VSTM1: variants seen among roughly 807,000 people sequenced by gnomAD.
VSTM1 encodes the protein V-set and transmembrane domain containing 1.
A neutral mutation model predicts 33.1 loss-of-function variants in VSTM1; 27 were observed. The ratio of observed to expected loss-of-function variants is 0.82; its 90% CI spans 0.60 to 1.12. VSTM1 has a LOEUF of 1.12. Among genes scored for constraint, VSTM1 ranks in the 50% most tolerant of loss-of-function variants. VSTM1 has a pLI of 0.00. For synonymous variants in VSTM1, 115 were observed against 110.3 expected (o/e 1.04, Z -0.27); for missense variants, 304 against 288.9 (o/e 1.05, Z -0.38).
At chr19:54,042,835 T>TATATATATAC (rs2070383659) in intron 4 of VSTM1, among the ~76,000 whole-genome samples, 1 of 75,726 alleles carries the variant, frequency 1.3e-5, no homozygotes, top group Admixed American at 1.6e-4. Flanking sequence ...TATATATATA[T>TATATATATAC]ATACATATAT....
chr19:54,059,209 C>T (rs929722962), intron 1 of VSTM1, among the ~76,000 whole-genome samples: 12 of 151,374 alleles, frequency 7.9e-5, no homozygotes, highest in Non-Finnish European at 1.3e-4. Context: ...TACAGGCACC[C>T]GCCACCACAC....
chr19:54,048,146 C>T (rs926400572), intron 4 of VSTM1, among the ~76,000 whole-genome samples: 1 of 152,100 alleles, frequency 6.6e-6, no homozygotes, highest in African/African-American at 2.4e-5. Context: ...AACAGGGTCT[C>T]GCTCTGTCAC....
At chr19:54,048,373 C>T in intron 4 of VSTM1, 1 of 400,632 alleles carries the variant, frequency 2.5e-6, no homozygotes, top group Non-Finnish European at 5.1e-6. Flanking sequence ...GCCTCATCTT[C>T]CCAAAGTCCT....
intron 3 of VSTM1, among the ~76,000 whole-genome samples, chr19:54,057,856 GC>G (rs2071178736): frequency 6.6e-6 from 1 of 150,720 alleles, no homozygotes; most frequent in Non-Finnish European, 1.5e-5. Context: ...TATAATCCCA[GC>G]CCTTTGGGAG....
intron 4 of VSTM1, 61 bp from the exon 5 acceptor site, chr19:54,042,430 G>A (rs898969580): frequency 4.5e-6 from 7 of 1,562,528 alleles, no homozygotes; most frequent in Admixed American, 1.9e-5. Context: ...TGATAGGGGC[G>A]AGCCGAAAAG....
Position 54,054,818 on chromosome 19 carries a change from TTGG to T in VSTM1, c.356-3373_356-3371del, listed in dbSNP as rs376653258. 1.5e-4 allele frequency among the ~76,000 whole-genome samples: 19 copies of T among 130,638 alleles called. 2 individuals carry two copies. In the East Asian group the frequency reaches 4.1e-3, roughly 28 times the overall value. 85.7% of individuals were successfully genotyped at this position (130,638 alleles called of 152,430 possible). On this transcript the variant is annotated intron_variant, in intron 3 of 8. Coordinates refer to ENST00000338372, the MANE Select transcript of VSTM1 (RefSeq NM_198481.4). ...GTGGGTGGACAGATGAATGGAAGGG[TTGG>T]TGGTTGGATGGATTAATGGATAGAT...
chr19:54,048,407 C>G (rs59075055), intron 4 of VSTM1: 1 of 346,792 alleles, frequency 2.9e-6, no homozygotes, highest in Non-Finnish European at 6.0e-6. Flanking sequence ...TGAGCCACTG[C>G]GCCCGGCAAA....
At chr19:54,058,100 C>T (rs533667066) in intron 3 of VSTM1, among the ~76,000 whole-genome samples, 194 of 148,956 alleles carry the variant, frequency 1.3e-3, no homozygotes, top group African/African-American at 4.3e-3. Flanking sequence ...ATTAGCTGGG[C>T]GTGGTGGCGG....
chr19:54,058,583 C>T lies in VSTM1; in HGVS notation c.78G>A (p.Pro26=), dbSNP rs143258264. Residue 26 remains proline, a synonymous_variant, in exon 3 of 9, where the codon CCG becomes CCA. Transcript: ENST00000338372. ...GYEDEKKNEK[P]PKPSLHAWPS... is the part of the protein sequence containing the mutation. ...GCCAGGCGTGGAGGGAGGGCTTGGG[C>T]GGTTTCTCTGGAAACAATTCAGAGT... 2.3e-4 allele frequency: 368 copies of T among 1,613,296 alleles called. 1 individual carries two copies. Among genetic ancestry groups the T allele is most frequent in the Middle Eastern group, 3.3e-4 (2 of 6,060 alleles).
At chr19:54,059,303 C>T (rs2071271666) in intron 1 of VSTM1, among the ~76,000 whole-genome samples, 1 of 151,992 alleles carries the variant, frequency 6.6e-6, no homozygotes, top group Non-Finnish European at 1.5e-5. Context: ...TCAGGTGATC[C>T]ACACGCCTCG....
In VSTM1 at chr19:54,042,919, C is replaced by A. The variant is rs182494083; in HGVS notation, c.395-550G>T. ...CACCCAGGCTGGAGTGTGATCCTGG[C>A]TCACTGCAACCTCCACCTCCCTGGT... On this transcript the variant is annotated intron_variant, in intron 4 of 8. Transcript: ENST00000338372. 5.0e-4 allele frequency among the ~76,000 whole-genome samples: 73 copies of A among 145,334 alleles called. 1 individual carries two copies. The highest frequency in any genetic ancestry group is 9.0e-4 in the Non-Finnish European group (60 of 66,710).
At chr19:54,048,844 G>A (rs2070717006) in intron 4 of VSTM1, among the ~76,000 whole-genome samples, 1 of 152,132 alleles carries the variant, frequency 6.6e-6, no homozygotes, top group African/African-American at 2.4e-5. Flanking sequence ...AGCACTTTGG[G>A]AAGCTGAGGC....
At chr19:54,060,725 C>T (rs1182505597) in intron 1 of VSTM1, among the ~76,000 whole-genome samples, 4 of 152,134 alleles carry the variant, frequency 2.6e-5, no homozygotes, top group African/African-American at 4.8e-5. Flanking sequence ...GGGTCTCACT[C>T]TGTGGCCCAG....
chr19:54,058,751 T>C lies in VSTM1; in HGVS notation c.35-19A>G, dbSNP rs2071237411. ...CACAGCCCTGGAAGAGAAATCTCAA[T>C]GAGAGAAAAATTATGTGCTTGTCCT... On this transcript the variant is annotated intron_variant, in intron 1 of 8. Coordinates refer to ENST00000338372, the MANE Select transcript of VSTM1 (RefSeq NM_198481.4). 2 of 1,612,812 alleles carry C rather than the reference T, an allele frequency of 1.2e-6. No individual in the cohort carries two copies. The highest frequency in any genetic ancestry group is 2.2e-5 in the South Asian group (2 of 90,998).
intron 1 of VSTM1, among the ~76,000 whole-genome samples, chr19:54,062,446 G>A (rs1311623676): frequency 1.3e-5 from 2 of 152,126 alleles, no homozygotes; most frequent in African/African-American, 4.8e-5. Flanking sequence ...CAAATAGCCG[G>A]GTGCAGTGGC....
intron 4 of VSTM1, among the ~76,000 whole-genome samples, chr19:54,045,636 CTGTA>C (rs774737545): frequency 1.3e-5 from 2 of 151,946 alleles, no homozygotes; most frequent in South Asian, 2.1e-4. Context: ...CATCTATCAT[CTGTA>C]TGTATCTGTC....
rs111917089 is a variant in VSTM1 at position 54,053,731 on chromosome 19, G to T, written c.356-2283C>A. ...CCTGGACTCCTGACCCACATCAACT[G>T]TGAGATAATAAATAGGTGTTTCAGG... On this transcript the variant is annotated intron_variant, in intron 3 of 8. Transcript: ENST00000338372. Among the ~76,000 whole-genome samples, 915 of 142,412 alleles carry T rather than the reference G, an allele frequency of 6.4e-3. 151 individuals carry two copies. The highest frequency in any genetic ancestry group is 0.022 in the African/African-American group (863 of 38,610). The allele number at this position is 142,412 out of a possible 152,430, so 93.4% of individuals were successfully genotyped here. A position where few individuals can be genotyped will look rare whatever the true frequency, so the allele number is the denominator to read the frequency against.
At position 54,040,932 on chromosome 19, in the gene VSTM1, C is replaced by A; in HGVS notation, c.*29G>T. On this transcript the variant is annotated 3_prime_UTR_variant, in exon 9 of 9. Coordinates refer to ENST00000338372, the MANE Select transcript of VSTM1 (RefSeq NM_198481.4). ...ATAACCTTGGCCAGCACGATCCCCC[C>A]TCCTTTAGTGGCCAGGGCTGTCTTC... The A allele has an allele frequency of 6.2e-7, 1 of 1,604,166 alleles. No individual in the cohort carries two copies.
At chr19:54,041,725 C>A in intron 8 of VSTM1, 54 bp downstream of exon 8, 1 of 1,583,270 alleles carries the variant, frequency 6.3e-7, no homozygotes. Context: ...GCACACACGA[C>A]CAGCCCATTG....
Sources: allele counts gnomAD v4.1 joint callset (sites outside exome capture counted in the v4.1 genomes callset), GRCh38; gene constraint gnomAD v4.1.1; transcripts MANE v1.5; gene names NCBI Gene and HGNC (gene_info 2026-07-23, HGNC 2026-07-21).